The following MYO15A variants were observed in gnomAD, a reference collection of about 807,000 sequenced individuals.
The protein encoded by MYO15A is unconventional myosin-XV.
In MYO15A, 308 loss-of-function variants were observed where a neutral mutation model predicts 394.6. The observed-to-expected ratio is 0.78, with a 90% CI of 0.71 to 0.86. The LOEUF (loss-of-function observed/expected upper bound fraction) is 0.86, where lower values mean the gene tolerates loss of function less well. Ranked by LOEUF, MYO15A falls within the 40% of genes least tolerant of loss-of-function variation. The probability of loss-of-function intolerance (pLI) is 0.00; values close to 1 mark genes in which losing one functional copy is unlikely to be tolerated. For missense variants in MYO15A, 4,606 were observed against 4,799.1 expected (o/e 0.96, Z 1.19); for synonymous variants, 1,957 against 2,003.8 (o/e 0.98, Z 0.62).
rs876657526 is a variant in MYO15A, at chr17:18,148,215, G to GC, written c.6691+6dup. ...TGGACGTGGGCTGCTTCAATGGTAA[G>GC]CTGCCTTCCCCCACCTCAGTGAGGG... On this transcript the variant is annotated splice_donor_region_variant and intron_variant, in intron 31 of 65. Coordinates refer to ENST00000647165, the MANE Select transcript of MYO15A (RefSeq NM_016239.4). The surrounding 1 kb of genome is among the most constrained non-coding windows in gnomAD (Gnocchi z 4.8). The GC allele has an allele frequency of 1.1e-5, 17 of 1,613,376 alleles. No individual in the cohort carries two copies. Among genetic ancestry groups the GC allele is most frequent in the Admixed American group, 1.7e-5 (1 of 60,004 alleles).
At chr17:18,143,516 G>A in intron 25 of MYO15A, 50 bp from the exon 26 acceptor site, 1 of 1,547,256 alleles carries the variant, frequency 6.5e-7, no homozygotes, top group African/African-American at 1.4e-5. Context: ...CTGGGTGCCG[G>A]TCGTCACCTC....
At position 18,148,473 on chromosome 17, in the gene MYO15A, G is replaced by A; in HGVS notation, c.6692-23G>A. 1 of 1,551,638 alleles carries A rather than the reference G, an allele frequency of 6.4e-7. No individual in the cohort carries two copies. Among genetic ancestry groups the A allele is most frequent in the Non-Finnish European group, 8.7e-7 (1 of 1,147,078 alleles). ...ACTGGACTCAGATGCTCCAACCTGA[G>A]CCCGGCACCTGCTGCGCCCCAGGTG... On this transcript the variant is annotated intron_variant, in intron 31 of 65. Coordinates refer to ENST00000647165, the MANE Select transcript of MYO15A (RefSeq NM_016239.4). This position sits in a 1 kb window ranked among gnomAD's most constrained non-coding sequence, Gnocchi z 4.8.
intron 62 of MYO15A, among the ~76,000 whole-genome samples, chr17:18,170,250 C>T (rs73288233): frequency 0.046 from 6,968 of 152,004 alleles, 460 homozygotes; most frequent in African/African-American, 0.14. Flanking sequence ...CCTGGAAAAA[C>T]GAATAGTAAG....
At chr17:18,149,100 C>T in intron 33 of MYO15A, 116 bp from the exon 34 acceptor site, 1 of 1,498,232 alleles carries the variant, frequency 6.7e-7, no homozygotes, top group South Asian at 1.2e-5. Flanking sequence ...TAGAGTTCAC[C>T]AAAGGATCCT....
chr17:18,138,063 T>A, intron 16 of MYO15A, 52 bp from the exon 17 acceptor site: 13 of 560,922 alleles, frequency 2.3e-5, no homozygotes, highest in Non-Finnish European at 2.4e-5. Flanking sequence ...GGAGGGTGGG[T>A]GGGCCCTGGA....
chr17:18,175,290 A>ATTTTTTTTTTTTTTTT (rs1474662829), intron 65 of MYO15A, among the ~76,000 whole-genome samples: 2 of 56,132 alleles, frequency 3.6e-5, no homozygotes, highest in African/African-American at 6.3e-5. Flanking sequence ...CCTCTAGACT[A>ATTTTTTTTTTTTTTTT]TCTTTTTTTT....
At chr17:18,130,041 G>A (rs1335219028) in intron 7 of MYO15A, among the ~76,000 whole-genome samples, 3 of 152,046 alleles carry the variant, frequency 2.0e-5, no homozygotes, top group African/African-American at 2.4e-5. Flanking sequence ...GACCACGCCC[G>A]GCTAATTTTT....
chr17:18,171,513 TC>T, intron 62 of MYO15A, 124 bp from the exon 63 acceptor site: 5 of 1,446,344 alleles, frequency 3.5e-6, no homozygotes, highest in Non-Finnish European at 4.8e-6. Flanking sequence ...CCATTTACAC[TC>T]CCTAGCATTT....
At chr17:18,128,046 G>A (rs577611472) in intron 7 of MYO15A, among the ~76,000 whole-genome samples, 1 of 151,946 alleles carries the variant, frequency 6.6e-6, no homozygotes, top group South Asian at 2.1e-4. Context: ...AGAGGCAGAG[G>A]GAGGAGCGCC....
In MYO15A at chr17:18,119,619, C is replaced by T; in HGVS notation, c.819C>T (p.Pro273=). 2.5e-6 allele frequency: 4 copies of T among 1,603,198 alleles called. No individual in the cohort carries two copies. The highest frequency in any genetic ancestry group is 3.4e-6 in the Non-Finnish European group (4 of 1,179,894). ...GLGPYSPAWP[P]YGDHYYGYPP... is the part of the protein sequence containing the mutation. ...GCCCCTACAGCCCGGCCTGGCCACC[C>T]TACGGCGACCACTACTACGGGTACC... is the stretch of plus-strand genomic sequence containing the variant. Residue 273 remains proline, a synonymous_variant, in exon 2 of 66, where the codon CCC becomes CCT. Coordinates refer to ENST00000647165, the MANE Select transcript of MYO15A (RefSeq NM_016239.4).
In MYO15A at chr17:18,178,547, A is replaced by C. The variant is rs1597830827; in HGVS notation, c.10492-222A>C. ...CACACGGAGCAAAGCCGGAAGAGGC[A>C]CTTGGTCTCCTGCTTGCTTACCCCT... On this transcript the variant is annotated intron_variant, in intron 65 of 65. Coordinates refer to ENST00000647165, the MANE Select transcript of MYO15A (RefSeq NM_016239.4). Among the ~76,000 whole-genome samples the C allele has an allele frequency of 2.0e-5, 3 of 152,112 alleles. No individual in the cohort carries two copies. The South Asian group carries it at 6.2e-4, about 32-fold the overall frequency.
intron 65 of MYO15A, chr17:18,176,728 G>T (rs916455553): frequency 2.6e-5 from 4 of 151,702 alleles, no homozygotes; most frequent in African/African-American, 7.3e-5. Flanking sequence ...TAGAGACGGG[G>T]TTTCACCATG....
chr17:18,177,362 TG>T (rs986269643), intron 65 of MYO15A: 3 of 152,250 alleles, frequency 2.0e-5, no homozygotes, highest in Non-Finnish European at 4.4e-5. Context: ...CTAACAGACC[TG>T]GGTCCCTATC....
intron 1 of MYO15A, among the ~76,000 whole-genome samples, chr17:18,114,861 G>A (rs749942753): frequency 3.1e-4 from 47 of 151,976 alleles, no homozygotes; most frequent in South Asian, 6.2e-4. Flanking sequence ...GGCTCATTCC[G>A]TGGCCTCTCT....
At chr17:18,140,365 A>G in intron 19 of MYO15A, 152 bp from the exon 20 acceptor site, 1 of 1,085,278 alleles carries the variant, frequency 9.2e-7, no homozygotes, top group Non-Finnish European at 1.4e-6. Flanking sequence ...GAAGCATGCA[A>G]GCCAGGATGA....
Position 18,136,652 on chromosome 17 carries a change from T to C in MYO15A, c.4745T>C (p.Leu1582Pro), listed in dbSNP as rs377627270. 24 of 1,612,320 alleles carry C rather than the reference T, an allele frequency of 1.5e-5. No homozygotes were observed. In the African/African-American group the frequency reaches 2.7e-4, roughly 18 times the overall value. Residue 1582 changes from leucine (L) to proline (P), a missense_variant, in exon 15 of 66, where the codon CTG (leucine) becomes CCG (proline). Transcript: ENST00000647165. ...NALVSPRQDT[L>P]SIAILDIYGF... ...CTGGTGTCCCCAAGGCAGGACACAC[T>C]GTCCATCGCCATCCTGGACATCTAT...
intron 46 of MYO15A, 43 bp from the exon 47 acceptor site, chr17:18,155,271 A>G (rs1349249856): frequency 6.2e-7 from 1 of 1,613,494 alleles, no homozygotes; most frequent in Non-Finnish European, 8.5e-7. Flanking sequence ...GGATTCAGGG[A>G]TGAGACAAGA....
rs1393872018 is a variant in MYO15A at position 18,140,624 on chromosome 17, G to C, written c.5319G>C (p.Lys1773Asn). ...RLYKAHTVAA[K>N]FQQSLLDLVE... Reference sequence around the variant, plus strand: ...ACAAGGCGCACACTGTGGCCGCCAAGTTCCAGCAGTCACTCCTGGATCTGG... The same window carrying C: ...ACAAGGCGCACACTGTGGCCGCCAACTTCCAGCAGTCACTCCTGGATCTGG... Residue 1773 changes from lysine (K) to asparagine (N), a missense_variant, in exon 20 of 66, where the codon AAG becomes AAC. Physicochemically the swap from Lys to Asn is moderately conservative, Grantham distance 94. This residue lies in a region of MYO15A where 2,776 missense variants were observed against 3,109.3 expected (regional missense o/e 0.89). Coordinates refer to ENST00000647165, the MANE Select transcript of MYO15A (RefSeq NM_016239.4). 1 of 1,613,884 alleles carries C rather than the reference G, an allele frequency of 6.2e-7. No individual in the cohort carries two copies. Among genetic ancestry groups the C allele is most frequent in the Non-Finnish European group, 8.5e-7 (1 of 1,180,042 alleles).
chr17:18,179,521 A>G lies in MYO15A; in HGVS notation c.*651A>G, dbSNP rs1164185225. 1.3e-5 allele frequency: 2 copies of G among 155,892 alleles called. No homozygotes were observed. Among genetic ancestry groups the G allele is most frequent in the Non-Finnish European group, 2.8e-5 (2 of 70,186 alleles). The allele number at this position is 155,892 out of a possible 1,614,324, so 9.7% of individuals were successfully genotyped here. A position where few individuals can be genotyped will look rare whatever the true frequency, so the allele number is the denominator to read the frequency against. On this transcript the variant is annotated 3_prime_UTR_variant, in exon 66 of 66. Coordinates refer to ENST00000647165, the MANE Select transcript of MYO15A (RefSeq NM_016239.4). ...ATCCCCCACTCCTTGGGTATCCCCAACCCCAGACCCCCATCACTTGATGGG... is the reference window on the plus strand; with the variant it reads ...ATCCCCCACTCCTTGGGTATCCCCAGCCCCAGACCCCCATCACTTGATGGG...
Sources: gnomAD v4.1 joint callset for allele counts (sites outside exome capture counted in the v4.1 genomes callset) on GRCh38, gnomAD v4.1.1 for gene constraint, gnomAD v4.1.1 regional missense constraint, Gnocchi (gnomAD v3.1) non-coding constraint, MANE v1.5 for transcripts, NCBI Gene and HGNC (gene_info 2026-07-23, HGNC 2026-07-21) for gene names.